SLC44A1: variants seen among roughly 807,000 people sequenced by gnomAD.
The protein encoded by SLC44A1 is choline transporter-like protein 1.
Under a neutral mutation model 79.3 loss-of-function variants are expected in SLC44A1, and 26 were observed. The ratio of observed to expected loss-of-function variants is 0.33; its 90% CI spans 0.24 to 0.46. The LOEUF is 0.46. SLC44A1 is among the 20% of genes least tolerant of loss of function. The probability of loss-of-function intolerance (pLI) is 1.00; values close to 1 mark genes in which losing one functional copy is unlikely to be tolerated. For synonymous variants in SLC44A1, 263 were observed against 286.2 expected (o/e 0.92, Z 0.82); for missense variants, 688 against 798.1 (o/e 0.86, Z 1.66).
downstream of SLC44A1, among the ~76,000 whole-genome samples, chr9:105,401,856 T>C (rs1828962504): frequency 6.6e-6 from 1 of 152,136 alleles, no homozygotes; most frequent in African/African-American, 2.4e-5. Context: ...TCCCTGATCT[T>C]AAGTAGCTCA....
chr9:105,352,224 TA>T (rs1827472712), intron 5 of SLC44A1, among the ~76,000 whole-genome samples: 1 of 152,254 alleles, frequency 6.6e-6, no homozygotes, highest in Non-Finnish European at 1.5e-5. Flanking sequence ...ATTGCCAGAA[TA>T]CTTTATTGTT....
intron 1 of SLC44A1, among the ~76,000 whole-genome samples, chr9:105,277,502 A>G (rs1022747183): frequency 2.0e-5 from 3 of 152,234 alleles, no homozygotes; most frequent in Non-Finnish European, 4.4e-5. Context: ...AGCAGGTAGC[A>G]CAAGATCCAG....
chr9:105,333,282 G>A (rs1759878027), intron 3 of SLC44A1, among the ~76,000 whole-genome samples: 1 of 151,976 alleles, frequency 6.6e-6, no homozygotes, highest in South Asian at 2.1e-4. Flanking sequence ...TTTCTACTGT[G>A]ATGTGATTTC....
Position 105,394,354 on chromosome 9 carries a change from A to G in SLC44A1, c.*5298A>G. ...AACCACACTAATCTGAAGGAATAAC[A>G]AGATGATCAACACTGAATCTTCATG... On this transcript the variant is annotated 3_prime_UTR_variant, in exon 16 of 16. Coordinates refer to ENST00000374720, the MANE Select transcript of SLC44A1 (RefSeq NM_080546.5). The G allele has an allele frequency of 1.0e-6, 1 of 985,258 alleles. No individual in the cohort carries two copies. The highest frequency in any genetic ancestry group is 1.2e-6 in the Non-Finnish European group (1 of 829,928). 61.0% of individuals were successfully genotyped at this position (985,258 alleles called of 1,614,324 possible). A position where few individuals can be genotyped will look rare whatever the true frequency, so the allele number is the denominator to read the frequency against.
At chr9:105,384,866 T>G (rs923820324) in intron 14 of SLC44A1, among the ~76,000 whole-genome samples, 1 of 152,216 alleles carries the variant, frequency 6.6e-6, no homozygotes, top group African/African-American at 2.4e-5. Flanking sequence ...AGGTTCTGGT[T>G]GATACACCCT....
chr9:105,298,644 C>A lies in SLC44A1; in HGVS notation c.37-576C>A, dbSNP rs549053684. 5.9e-5 allele frequency among the ~76,000 whole-genome samples: 9 copies of A among 152,136 alleles called. No homozygotes were observed. In the South Asian group the frequency reaches 1.9e-3, roughly 32 times the overall value. ...GGATTACAGATGTGAGCCACTGGGCCCGGCCTGAATAGGAATCCATTTTGA... is the reference window on the plus strand; with the variant it reads ...GGATTACAGATGTGAGCCACTGGGCACGGCCTGAATAGGAATCCATTTTGA... On this transcript the variant is annotated intron_variant, in intron 1 of 15. Coordinates refer to ENST00000374720, the MANE Select transcript of SLC44A1 (RefSeq NM_080546.5).
intron 15 of SLC44A1, among the ~76,000 whole-genome samples, chr9:105,422,223 G>T (rs1459864218): frequency 6.6e-6 from 1 of 151,228 alleles, no homozygotes; most frequent in East Asian, 2.0e-4. Context: ...ACAGAAAGGG[G>T]CCCTCATGAT....
At chr9:105,370,105 G>A (rs1414544838) in intron 12 of SLC44A1, among the ~76,000 whole-genome samples, 1 of 152,196 alleles carries the variant, frequency 6.6e-6, no homozygotes, top group Non-Finnish European at 1.5e-5. Context: ...CTGAGAAGGT[G>A]GGTGGACTCT....
chr9:105,438,130 CTGTGTGTG>C (rs147203232), intron 15 of SLC44A1: 26 of 496,098 alleles, frequency 5.2e-5, no homozygotes, highest in Admixed American at 5.0e-4. Flanking sequence ...ATTTGTTAAT[CTGTGTGTG>C]TGTGTGTGTG....
intron 1 of SLC44A1, among the ~76,000 whole-genome samples, chr9:105,257,070 G>A (rs916664272): frequency 5.9e-5 from 9 of 151,592 alleles, no homozygotes; most frequent in African/African-American, 2.2e-4. Context: ...ACAGGTGTGA[G>A]CCACTGCGCC....
Position 105,397,100 on chromosome 9 carries a change from A to G in SLC44A1, c.*8044A>G, listed in dbSNP as rs947704561. The G allele has an allele frequency of 2.0e-5, 20 of 985,326 alleles. No individual in the cohort carries two copies. Among genetic ancestry groups the G allele is most frequent in the Non-Finnish European group, 2.4e-5 (20 of 829,938 alleles). The allele number at this position is 985,326 out of a possible 1,614,324, so 61.0% of individuals were successfully genotyped here. A position where few individuals can be genotyped will look rare whatever the true frequency, so the allele number is the denominator to read the frequency against. ...TGGAGTTATCAAATCTTGCTGGGAA[A>G]TTAACTTCCAAGAGCTCTGAATTGG... On this transcript the variant is annotated 3_prime_UTR_variant, in exon 16 of 16. Transcript: ENST00000374720.
At chr9:105,427,112 T>C (rs571965088) in intron 15 of SLC44A1, among the ~76,000 whole-genome samples, 1 of 152,266 alleles carries the variant, frequency 6.6e-6, no homozygotes, top group South Asian at 2.1e-4. Flanking sequence ...TTGTATTTTT[T>C]AGTAGAGGCA....
At chr9:105,266,728 T>A (rs1829971722) in intron 1 of SLC44A1, among the ~76,000 whole-genome samples, 1 of 152,228 alleles carries the variant, frequency 6.6e-6, no homozygotes, top group African/African-American at 2.4e-5. Flanking sequence ...TATATTGAAA[T>A]CAGGTTATGT....
chr9:105,255,969 A>C (rs1039201439), intron 1 of SLC44A1, among the ~76,000 whole-genome samples: 5 of 152,068 alleles, frequency 3.3e-5, no homozygotes, highest in Non-Finnish European at 5.9e-5. Context: ...TTCCCTTAAA[A>C]ATGTTTTTGT....
In SLC44A1 at chr9:105,391,140, G is replaced by T; in HGVS notation, c.*2084G>T. The T allele has an allele frequency of 1.0e-6, 1 of 985,672 alleles. No homozygotes were observed. The highest frequency in any genetic ancestry group is 1.2e-6 in the Non-Finnish European group (1 of 829,898). The allele number at this position is 985,672 out of a possible 1,614,324, so 61.1% of individuals were successfully genotyped here. On this transcript the variant is annotated 3_prime_UTR_variant, in exon 16 of 16. Transcript: ENST00000374720. Reference sequence around the variant, plus strand: ...CCAGGAGCTAGCAATTTTAAGAGGTGTCCCTCCAAAGTGACCTGATGGAAG... The same window carrying T: ...CCAGGAGCTAGCAATTTTAAGAGGTTTCCCTCCAAAGTGACCTGATGGAAG...
chr9:105,378,024 G>A (rs1828348008), intron 13 of SLC44A1, among the ~76,000 whole-genome samples: 1 of 152,192 alleles, frequency 6.6e-6, no homozygotes, highest in Non-Finnish European at 1.5e-5. Flanking sequence ...AAGGTGGGTG[G>A]ATCACTTGAG....
At position 105,392,657 on chromosome 9, in the gene SLC44A1, G is replaced by C. The variant is rs765807732; in HGVS notation, c.*3601G>C. 25 of 985,206 alleles carry C rather than the reference G, an allele frequency of 2.5e-5. No individual in the cohort carries two copies. Among genetic ancestry groups the C allele is most frequent in the Non-Finnish European group, 2.9e-5 (24 of 829,992 alleles). The allele number at this position is 985,206 out of a possible 1,614,324, so 61.0% of individuals were successfully genotyped here. On this transcript the variant is annotated 3_prime_UTR_variant, in exon 16 of 16. Coordinates refer to ENST00000374720, the MANE Select transcript of SLC44A1 (RefSeq NM_080546.5). ...GGAACTGCAGGCACCACATATGTGT[G>C]AGGCCACATCACTGCCCCTGAGGCT...
chr9:105,415,546 G>A (rs940671862), intron 15 of SLC44A1, among the ~76,000 whole-genome samples: 3 of 152,216 alleles, frequency 2.0e-5, no homozygotes, highest in Non-Finnish European at 4.4e-5. Flanking sequence ...GGTCGTCCTT[G>A]AGAGGGCAGC....
At chr9:105,284,170 T>C (rs2131259881) in intron 1 of SLC44A1, among the ~76,000 whole-genome samples, 1 of 152,230 alleles carries the variant, frequency 6.6e-6, no homozygotes, top group South Asian at 2.1e-4. Context: ...AGGTGCTAAG[T>C]AAATAGTAGT....
Sources: allele counts gnomAD v4.1 joint callset (sites outside exome capture counted in the v4.1 genomes callset), GRCh38; gene constraint gnomAD v4.1.1; transcripts MANE v1.5; gene names NCBI Gene and HGNC (gene_info 2026-07-23, HGNC 2026-07-21).